Variants in SLC4A7 observed in about 807,000 individuals in gnomAD.
SLC4A7 encodes solute carrier family 4 member 7, also known as sodium bicarbonate cotransporter 3.
SLC4A7 carries 51 observed loss-of-function variants against 137.6 expected under a neutral mutation model. That is an observed-to-expected ratio of 0.37 (90% confidence interval 0.30 to 0.47). The LOEUF is 0.47. Among genes scored for constraint, SLC4A7 ranks in the 20% least tolerant of loss-of-function variants. The pLI is 1.00. For missense variants in SLC4A7, 1,247 were observed against 1,525.4 expected, an observed-to-expected ratio of 0.82 and a Z score of 3.04; for synonymous variants, 542 against 518.6, an observed-to-expected ratio of 1.05 and a Z score of -0.61.
intron 13 of SLC4A7, 73 bp downstream of exon 13, chr3:27,409,283 A>T: frequency 8.6e-7 from 1 of 1,158,526 alleles, no homozygotes; most frequent in Non-Finnish European, 1.2e-6. Context: ...AAGTATGAAT[A>T]GTGAGACAAA....
chr3:27,418,784 A>C (rs1157684133), intron 10 of SLC4A7, 152 bp from the exon 11 acceptor site: 2 of 571,970 alleles, frequency 3.5e-6, no homozygotes, highest in Non-Finnish European at 6.1e-6. Flanking sequence ...CTGGGTAACA[A>C]CTATAAAAGG....
At chr3:27,456,975 T>C in intron 1 of SLC4A7, 1 of 976,098 alleles carries the variant, frequency 1.0e-6, no homozygotes, top group East Asian at 1.1e-4. Context: ...ACTGAAACCT[T>C]TCTGCAATGT....
At chr3:27,459,215 G>A (rs532111274) in intron 1 of SLC4A7, among the ~76,000 whole-genome samples, 1 of 152,008 alleles carries the variant, frequency 6.6e-6, no homozygotes, top group Non-Finnish European at 1.5e-5. Context: ...GAAGAAACTA[G>A]GTGCACGTAG....
rs966568141 is a variant in SLC4A7, at chr3:27,373,136, A to G, written c.*3628T>C. On this transcript the variant is annotated 3_prime_UTR_variant, in exon 26 of 26. Transcript: ENST00000454389. ...ACAACACAAAAACTAATCAGTGTGC[A>G]AAAATCTGATTAAAAAAACAAAACA... 2 of 151,796 alleles carry G rather than the reference A, an allele frequency of 1.3e-5. No individual in the cohort carries two copies. The highest frequency in any genetic ancestry group is 2.9e-5 in the Non-Finnish European group (2 of 67,874). 9.4% of individuals were successfully genotyped at this position (151,796 alleles called of 1,614,324 possible).
chr3:27,447,827 A>T (rs2057777681), intron 3 of SLC4A7, among the ~76,000 whole-genome samples: 1 of 151,986 alleles, frequency 6.6e-6, no homozygotes, highest in Non-Finnish European at 1.5e-5. Flanking sequence ...TATATAACTA[A>T]TATTATCAAA....
chr3:27,393,723 T>C (rs77484147), intron 20 of SLC4A7, among the ~76,000 whole-genome samples: 6 of 152,156 alleles, frequency 3.9e-5, no homozygotes, highest in Non-Finnish European at 4.4e-5. Flanking sequence ...TAAATTTCTA[T>C]AATCTAACTT....
rs368120911 is a variant in SLC4A7 at position 27,437,540 on chromosome 3, G to T, written c.290-14C>A. Reference sequence around the variant, plus strand: ...GGGATGGTGTATCTTTACAAAATAAGAATTTACATATACTCAAATTTTTCC... The same window carrying T: ...GGGATGGTGTATCTTTACAAAATAATAATTTACATATACTCAAATTTTTCC... On this transcript the variant is annotated splice_polypyrimidine_tract_variant and intron_variant, in intron 3 of 25. Transcript: ENST00000454389. 4.7e-6 allele frequency: 7 copies of T among 1,497,934 alleles called. No homozygotes were observed. The highest frequency in any genetic ancestry group is 5.0e-5 in the Admixed American group (2 of 40,200). 92.8% of individuals were successfully genotyped at this position (1,497,934 alleles called of 1,614,324 possible).
At chr3:27,482,816 C>T (rs2059772215) in intron 1 of SLC4A7, among the ~76,000 whole-genome samples, 1 of 152,050 alleles carries the variant, frequency 6.6e-6, no homozygotes, top group Non-Finnish European at 1.5e-5. Context: ...GATGAGTTTC[C>T]AGTATTCCAT....
At position 27,383,261 on chromosome 3, in the gene SLC4A7, CAT is replaced by C. The variant is rs752429386; in HGVS notation, c.3493-13_3493-12del. ...CATCCGTTCAGCTTCCTTTATAACA[CAT>C]GTGTGAAGAGGTTACTTTTCCCAGA... On this transcript the variant is annotated splice_polypyrimidine_tract_variant and intron_variant, in intron 23 of 25. Coordinates refer to ENST00000454389, the MANE Select transcript of SLC4A7 (RefSeq NM_001321103.2). 5.1e-5 allele frequency: 80 copies of C among 1,555,236 alleles called. No individual in the cohort carries two copies. Among genetic ancestry groups the C allele is most frequent in the Non-Finnish European group, 6.6e-5 (75 of 1,128,028 alleles).
rs531557922 is a variant in SLC4A7 at position 27,448,529 on chromosome 3, CCATA to C, written c.289+118_289+121del. 2.8e-4 allele frequency: 198 copies of C among 706,348 alleles called. No individual in the cohort carries two copies. In the African/African-American group the frequency reaches 3.4e-3, roughly 12 times the overall value. 43.8% of individuals were successfully genotyped at this position (706,348 alleles called of 1,614,324 possible). On this transcript the variant is annotated intron_variant, in intron 3 of 25. Coordinates refer to ENST00000454389, the MANE Select transcript of SLC4A7 (RefSeq NM_001321103.2). ...GATATTCCCCAATACAATACATTCC[CCATA>C]CAATGTGACTACATTAATGCATACA...
intron 20 of SLC4A7, among the ~76,000 whole-genome samples, chr3:27,394,072 G>A (rs1426075742): frequency 1.3e-5 from 2 of 152,168 alleles, no homozygotes; most frequent in African/African-American, 4.8e-5. Context: ...AGGTTGGAGT[G>A]CAGTGGCCCA....
At chr3:27,459,464 T>G (rs2058578709) in intron 1 of SLC4A7, among the ~76,000 whole-genome samples, 2 of 152,296 alleles carry the variant, frequency 1.3e-5, no homozygotes, top group South Asian at 4.1e-4. Flanking sequence ...AGGCTTTCGT[T>G]TGGCTAATTC....
intron 25 of SLC4A7, among the ~76,000 whole-genome samples, chr3:27,377,488 G>A (rs1330942371): frequency 6.6e-6 from 1 of 152,100 alleles, no homozygotes. Context: ...CACCTCCCAG[G>A]TTCAAGTGAT....
intron 1 of SLC4A7, chr3:27,456,797 C>A (rs2058438667): frequency 9.4e-6 from 14 of 1,489,214 alleles, no homozygotes; most frequent in Non-Finnish European, 1.2e-5. Flanking sequence ...GAGATGAATT[C>A]TTCTAAGTTA....
intron 5 of SLC4A7, 82 bp from the exon 6 acceptor site, chr3:27,434,186 C>G: frequency 1.0e-6 from 1 of 966,622 alleles, no homozygotes; most frequent in Non-Finnish European, 1.5e-6. Context: ...AACCTTATGA[C>G]AAAAATTAGA....
At chr3:27,377,988 C>T (rs2149992910) in intron 25 of SLC4A7, among the ~76,000 whole-genome samples, 1 of 152,196 alleles carries the variant, frequency 6.6e-6, no homozygotes, top group African/African-American at 2.4e-5. Context: ...ATTGTAAGGC[C>T]TTTATTTTTT....
At chr3:27,458,400 C>A (rs2058519793) in intron 1 of SLC4A7, among the ~76,000 whole-genome samples, 2 of 152,160 alleles carry the variant, frequency 1.3e-5, no homozygotes. Context: ...TCTTTCACAA[C>A]TTTACATAGG....
chr3:27,437,885 G>C (rs2150412638), intron 3 of SLC4A7, among the ~76,000 whole-genome samples: 1 of 152,260 alleles, frequency 6.6e-6, no homozygotes, highest in East Asian at 1.9e-4. Flanking sequence ...ACATGGAAAA[G>C]TTAGAACAGA....
At chr3:27,418,418 T>A in intron 11 of SLC4A7, 68 bp downstream of exon 11, 3 of 1,327,556 alleles carry the variant, frequency 2.3e-6, no homozygotes, top group Non-Finnish European at 3.1e-6. Flanking sequence ...GGTTTTTGAA[T>A]CACACCTAAT....
Sources: allele counts gnomAD v4.1 joint callset (sites outside exome capture counted in the v4.1 genomes callset), GRCh38; gene constraint gnomAD v4.1.1; transcripts MANE v1.5; gene names NCBI Gene and HGNC (gene_info 2026-07-23, HGNC 2026-07-21).